ABCA9: variants seen among roughly 807,000 people sequenced by gnomAD.
The protein encoded by ABCA9 is ATP-binding cassette sub-family A member 9.
A neutral mutation model predicts 205.3 loss-of-function variants in ABCA9; 183 were observed. The observed-to-expected ratio is 0.89, with a 90% CI of 0.79 to 1.01. The LOEUF (loss-of-function observed/expected upper bound fraction) is 1.01, where lower values mean the gene tolerates loss of function less well. Ranked by LOEUF, ABCA9 falls within the 50% of genes least tolerant of loss-of-function variation. The probability of loss-of-function intolerance (pLI) is 0.00; values close to 1 mark genes in which losing one functional copy is unlikely to be tolerated. For synonymous variants in ABCA9, 651 were observed against 683.3 expected, an observed-to-expected ratio of 0.95 and a Z score of 0.74; for missense variants, 1,805 against 1,912.4, an observed-to-expected ratio of 0.94 and a Z score of 1.05.
intron 27 of ABCA9, 104 bp downstream of exon 27, chr17:68,992,912 T>C (rs569298380): frequency 1.1e-6 from 1 of 922,028 alleles, no homozygotes; most frequent in East Asian, 2.7e-5. Flanking sequence ...TTCAAATGCC[T>C]AAAATGTCCA....
chr17:69,001,371 T>C (rs2069861016), intron 25 of ABCA9, among the ~76,000 whole-genome samples: 3 of 151,934 alleles, frequency 2.0e-5, no homozygotes, highest in South Asian at 4.2e-4. Context: ...TCTATTGAGA[T>C]AATCATGTGG....
intron 16 of ABCA9, among the ~76,000 whole-genome samples, chr17:69,026,099 C>T (rs1177156110): frequency 6.6e-6 from 1 of 151,952 alleles, no homozygotes; most frequent in Non-Finnish European, 1.5e-5. Flanking sequence ...GAGAAAGGGT[C>T]GGAATATCAA....
the ABCA9 span, among the ~76,000 whole-genome samples, chr17:69,076,030 G>T: frequency 1.0e-3 from 155 of 152,102 alleles, no homozygotes; most frequent in African/African-American, 3.6e-3. Context: ...TTGCATCATT[G>T]CTCTGGCAAG....
intron 34 of ABCA9, 51 bp from the exon 35 acceptor site, chr17:68,984,226 T>C (rs554931111): frequency 2.0e-5 from 31 of 1,586,376 alleles, no homozygotes; most frequent in African/African-American, 4.1e-5. Context: ...CTCAAGGTAT[T>C]TGGAATTTTA....
At chr17:69,007,577 T>A (rs960459515) in intron 25 of ABCA9, among the ~76,000 whole-genome samples, 182 bp downstream of exon 25, 1 of 152,176 alleles carries the variant, frequency 6.6e-6, no homozygotes, top group African/African-American at 2.4e-5. Flanking sequence ...TTGAAGAGCA[T>A]AGTTTATAGA....
At chr17:69,053,201 A>C (rs1029425616) in intron 1 of ABCA9, among the ~76,000 whole-genome samples, 1 of 152,178 alleles carries the variant, frequency 6.6e-6, no homozygotes, top group Non-Finnish European at 1.5e-5. Flanking sequence ...GAAACCTTCT[A>C]ATCACATGGG....
At chr17:68,996,056 T>A (rs761719654) in intron 25 of ABCA9, 42 bp from the exon 26 acceptor site, 5 of 1,581,514 alleles carry the variant, frequency 3.2e-6, no homozygotes, top group Middle Eastern at 3.4e-4. Context: ...AGTGTACCAA[T>A]CTGAATTTTA....
At position 68,989,098 on chromosome 17, in the gene ABCA9, C is replaced by T; in HGVS notation, c.3976G>A (p.Gly1326Arg). ...VKKGEVIGLL[G>R]HNGAGKSTTI... Reference sequence around the variant, plus strand: ...GTACTTTTACCAGCTCCATTGTGTCCTAACAGTCCTATAACTTCACCTGAA... The same window carrying T: ...GTACTTTTACCAGCTCCATTGTGTCTTAACAGTCCTATAACTTCACCTGAA... Residue 1326 changes from glycine (G) to arginine (R), a missense_variant, in exon 31 of 39, where the codon GGA (glycine) becomes AGA (arginine). Gly to Arg is a moderately radical substitution (Grantham distance 125, BLOSUM62 -2). Transcript: ENST00000340001. The T allele has an allele frequency of 1.2e-6, 2 of 1,611,860 alleles. No individual in the cohort carries two copies. The highest frequency in any genetic ancestry group is 1.3e-5 in the African/African-American group (1 of 74,930).
chr17:68,977,495 T>C (rs973312425), intron 37 of ABCA9, among the ~76,000 whole-genome samples: 9 of 152,182 alleles, frequency 5.9e-5, no homozygotes, highest in African/African-American at 2.2e-4. Flanking sequence ...ATGGAGGAAA[T>C]AGAGAAAGAA....
At chr17:68,985,963 AAAAAG>A (rs1440481423) in intron 32 of ABCA9, among the ~76,000 whole-genome samples, 196 bp downstream of exon 32, 1 of 151,786 alleles carries the variant, frequency 6.6e-6, no homozygotes, top group Non-Finnish European at 1.5e-5. Context: ...AGGAAAAAAG[AAAAAG>A]AAAAAGAAAT....
the ABCA9 span, among the ~76,000 whole-genome samples, chr17:69,075,640 G>A: frequency 3.3e-5 from 5 of 152,058 alleles, no homozygotes; most frequent in African/African-American, 9.7e-5. Flanking sequence ...TTTGGTTACT[G>A]TAGCCTTATA....
intron 26 of ABCA9, among the ~76,000 whole-genome samples, chr17:68,994,713 T>C (rs529141558): frequency 6.6e-6 from 1 of 152,316 alleles, no homozygotes; most frequent in African/African-American, 2.4e-5. Context: ...TATGTTCATA[T>C]TCTCTGATTA....
At chr17:69,062,351 T>C (rs991427414), upstream of ABCA9, among the ~76,000 whole-genome samples, 2 of 152,098 alleles carry the variant, frequency 1.3e-5, no homozygotes, top group Non-Finnish European at 2.9e-5. Context: ...GCTTATGAGT[T>C]CTGGACCTAG....
chr17:68,987,346 G>C (rs2069270292), intron 31 of ABCA9, among the ~76,000 whole-genome samples: 1 of 152,166 alleles, frequency 6.6e-6, no homozygotes, highest in Admixed American at 6.5e-5. Context: ...TTTCATTTTG[G>C]AGAAAGAAAC....
chr17:68,986,241 C>T lies in ABCA9; in HGVS notation c.4131G>A (p.Leu1377=). 6.2e-7 allele frequency: 1 copy of T among 1,614,116 alleles called. No individual in the cohort carries two copies. The highest frequency in any genetic ancestry group is 8.5e-7 in the Non-Finnish European group (1 of 1,179,986). Residue 1377 remains leucine, a synonymous_variant, in exon 32 of 39, where the codon CTG becomes CTA. Transcript: ENST00000340001. ...ACACCTCCAGGTGCTGCCTCACTGT[C>T]AGGTTGGGCCACAGCGCATTCTCCT... ...CPQENALWPN[L]TVRQHLEVYA... is the part of the protein sequence containing the mutation.
At chr17:68,978,026 G>GTTAAC (rs768075400) in intron 37 of ABCA9, among the ~76,000 whole-genome samples, 4 of 152,294 alleles carry the variant, frequency 2.6e-5, no homozygotes, top group Admixed American at 2.0e-4. Context: ...GGATATTCTT[G>GTTAAC]TTAACTTTCT....
intron 1 of ABCA9, among the ~76,000 whole-genome samples, chr17:69,056,881 CT>C (rs1364697389): frequency 6.6e-6 from 1 of 152,156 alleles, no homozygotes; most frequent in African/African-American, 2.4e-5. Context: ...ATCTATGTCA[CT>C]TGGTCAATAG....
intron 35 of ABCA9, 66 bp downstream of exon 35, chr17:68,983,990 A>G (rs1193235386): frequency 6.2e-7 from 1 of 1,606,330 alleles, no homozygotes; most frequent in Non-Finnish European, 8.5e-7. Flanking sequence ...AGCCTGGTGC[A>G]GGGAAATAAA....
chr17:69,046,582 TATAAA>T (rs989406453), intron 3 of ABCA9, among the ~76,000 whole-genome samples: 4 of 152,030 alleles, frequency 2.6e-5, no homozygotes, highest in African/African-American at 7.2e-5. Flanking sequence ...ATAAAACATT[TATAAA>T]ATAATATTTT....
Sources: allele counts gnomAD v4.1 joint callset (sites outside exome capture counted in the v4.1 genomes callset), GRCh38; gene constraint gnomAD v4.1.1; transcripts MANE v1.5; gene names NCBI Gene and HGNC (gene_info 2026-07-23, HGNC 2026-07-21).